NKAIN2: variants seen among roughly 807,000 people sequenced by gnomAD.
NKAIN2 encodes the protein sodium/potassium transporting ATPase interacting 2.
Under a neutral mutation model 32.6 loss-of-function variants are expected in NKAIN2, and 14 were observed. The ratio of observed to expected loss-of-function variants is 0.43; its 90% CI spans 0.28 to 0.67. NKAIN2 has a LOEUF of 0.67. Ranked by LOEUF, NKAIN2 falls within the 30% of genes least tolerant of loss-of-function variation. The pLI, the probability that NKAIN2 is intolerant of heterozygous loss-of-function variation, is 0.17. For synonymous variants in NKAIN2, 80 were observed against 87.2 expected (o/e 0.92, Z 0.46); for missense variants, 198 against 258.3 (o/e 0.77, Z 1.60).
chr6:123,961,290 G>A (rs1242349280), intron 1 of NKAIN2, among the ~76,000 whole-genome samples: 1 of 152,074 alleles, frequency 6.6e-6, no homozygotes, highest in African/African-American at 2.4e-5. Context: ...AGCCTTTCTT[G>A]CTGTATACTA....
At chr6:124,298,478 G>T (rs1394859687) in intron 2 of NKAIN2, among the ~76,000 whole-genome samples, 1 of 152,064 alleles carries the variant, frequency 6.6e-6, no homozygotes, top group Non-Finnish European at 1.5e-5. Flanking sequence ...ATCATGTGTG[G>T]TGAGAAACTG....
intron 2 of NKAIN2, among the ~76,000 whole-genome samples, chr6:124,354,277 C>G (rs930015806): frequency 2.6e-5 from 4 of 152,122 alleles, no homozygotes; most frequent in Admixed American, 1.3e-4. Context: ...AAGTCACTCT[C>G]ATTTGATTTG....
intron 1 of NKAIN2, among the ~76,000 whole-genome samples, chr6:124,220,635 A>G (rs1582872308): frequency 6.6e-6 from 1 of 151,588 alleles, no homozygotes; most frequent in East Asian, 1.9e-4. Flanking sequence ...AATATGAGAA[A>G]ATTTAAGCCT....
chr6:124,531,932 A>G (rs575136226), intron 3 of NKAIN2, among the ~76,000 whole-genome samples: 3 of 152,242 alleles, frequency 2.0e-5, no homozygotes, highest in African/African-American at 7.2e-5. Flanking sequence ...TGTCCTCCCA[A>G]AGTGCTGGGG....
intron 2 of NKAIN2, among the ~76,000 whole-genome samples, chr6:124,283,819 T>G (rs565793942): frequency 6.6e-6 from 1 of 152,296 alleles, no homozygotes; most frequent in Non-Finnish European, 1.5e-5. Context: ...CATTTTTTTC[T>G]TTTTAGTTTC....
At chr6:124,373,958 G>T (rs1376189615) in intron 3 of NKAIN2, among the ~76,000 whole-genome samples, 1 of 152,042 alleles carries the variant, frequency 6.6e-6, no homozygotes, top group African/African-American at 2.4e-5. Context: ...AGTCCAGGGA[G>T]GTTTGTTCAT....
Position 124,202,950 on chromosome 6 carries a change from G to C in NKAIN2, c.55-80055G>C, listed in dbSNP as rs141513709. Among the ~76,000 whole-genome samples the C allele has an allele frequency of 4.4e-3, 674 of 151,944 alleles. 3 individuals carry two copies. The highest frequency in any genetic ancestry group is 0.015 in the African/African-American group (626 of 41,486). ...GTAATATTGTGTACTCACTAATTTA[G>C]CACAACATTATAGGCATGTAACAAA... is the stretch of plus-strand genomic sequence containing the variant. On this transcript the variant is annotated intron_variant, in intron 1 of 6. Coordinates refer to ENST00000368417, the MANE Select transcript of NKAIN2 (RefSeq NM_001040214.3).
chr6:123,929,848 C>T (rs1010950171), intron 1 of NKAIN2, among the ~76,000 whole-genome samples: 5 of 151,944 alleles, frequency 3.3e-5, no homozygotes, highest in African/African-American at 7.2e-5. Flanking sequence ...TCCAAAAATT[C>T]GAAATCCAAA....
intron 3 of NKAIN2, among the ~76,000 whole-genome samples, chr6:124,417,040 C>A (rs1452867004): frequency 1.3e-5 from 2 of 152,036 alleles, no homozygotes; most frequent in Non-Finnish European, 2.9e-5. Flanking sequence ...TAACATAATA[C>A]CAAATAATCT....
At chr6:123,861,511 G>A (rs556302245) in intron 1 of NKAIN2, among the ~76,000 whole-genome samples, 3 of 152,230 alleles carry the variant, frequency 2.0e-5, no homozygotes, top group African/African-American at 4.8e-5. Context: ...GATAAAATAA[G>A]GGCAGATTTT....
intron 1 of NKAIN2, among the ~76,000 whole-genome samples, chr6:123,987,370 C>G (rs1185011395): frequency 2.0e-5 from 3 of 152,068 alleles, no homozygotes; most frequent in Non-Finnish European, 2.9e-5. Flanking sequence ...TGAAATTTTT[C>G]TAATGATCTG....
intron 1 of NKAIN2, among the ~76,000 whole-genome samples, chr6:123,932,406 C>CTTTTTTTTTTTTTTTTTTTT (rs57063550): frequency 7.7e-5 from 8 of 104,388 alleles, no homozygotes; most frequent in South Asian, 6.4e-4. Context: ...TTCTGTCTTT[C>CTTTTTTTTTTTTTTTTTTTT]TTTTTTTTTT....
intron 3 of NKAIN2, among the ~76,000 whole-genome samples, chr6:124,495,084 G>C (rs1198686387): frequency 6.6e-6 from 1 of 152,046 alleles, no homozygotes; most frequent in East Asian, 1.9e-4. Context: ...CAGGCAACCA[G>C]CATGTCTAAT....
intron 1 of NKAIN2, among the ~76,000 whole-genome samples, chr6:124,244,444 T>C (rs1793284673): frequency 6.6e-6 from 1 of 152,038 alleles, no homozygotes; most frequent in African/African-American, 2.4e-5. Context: ...GGCTGCATAG[T>C]ATTCCATGGT....
intron 1 of NKAIN2, among the ~76,000 whole-genome samples, chr6:124,277,849 TG>T: frequency 6.6e-6 from 1 of 152,146 alleles, no homozygotes; most frequent in East Asian, 1.9e-4. Flanking sequence ...AAACATAATT[TG>T]GTTGTTTACA....
intron 4 of NKAIN2, among the ~76,000 whole-genome samples, chr6:124,721,416 A>G (rs535196486): frequency 6.6e-6 from 1 of 152,086 alleles, no homozygotes; most frequent in South Asian, 2.1e-4. Context: ...AAAAAAAAAA[A>G]AAAAAGAAAG....
At chr6:123,804,309 G>A (rs1773123572) in intron 1 of NKAIN2, 55 bp downstream of exon 1, 2 of 1,438,324 alleles carry the variant, frequency 1.4e-6, no homozygotes, top group Non-Finnish European at 9.8e-7. Flanking sequence ...ATAGTGGGCA[G>A]GGGAGTGCAG....
At chr6:124,687,444 A>G (rs1347266028) in intron 4 of NKAIN2, among the ~76,000 whole-genome samples, 1 of 142,954 alleles carries the variant, frequency 7.0e-6, no homozygotes, top group East Asian at 2.1e-4. Context: ...ATATACATAC[A>G]TGGTATATAT....
chr6:124,211,655 A>G (rs1484764498), intron 1 of NKAIN2, among the ~76,000 whole-genome samples: 1 of 152,024 alleles, frequency 6.6e-6, no homozygotes, highest in African/African-American at 2.4e-5. Flanking sequence ...GCTGTTGTCC[A>G]TAGGATTATT....
Sources: gnomAD v4.1 joint callset for allele counts (sites outside exome capture counted in the v4.1 genomes callset) on GRCh38, gnomAD v4.1.1 for gene constraint, MANE v1.5 for transcripts, NCBI Gene and HGNC (gene_info 2026-07-23, HGNC 2026-07-21) for gene names.